Variants in ABCC4 observed in about 807,000 individuals in gnomAD.
ABCC4 encodes the protein ATP-binding cassette sub-family C member 4.
A neutral mutation model predicts 168.5 loss-of-function variants in ABCC4; 102 were observed. The observed-to-expected ratio is 0.61, with a 90% CI of 0.52 to 0.71. The LOEUF is 0.71. Ranked by LOEUF, ABCC4 falls within the 30% of genes least tolerant of loss-of-function variation. The pLI is 0.00. For missense variants in ABCC4, 1,402 were observed against 1,605.8 expected (o/e 0.87, Z 2.17); for synonymous variants, 617 against 590.7 (o/e 1.04, Z -0.65).
At chr13:95,109,044 G>A (rs1291974530) in intron 20 of ABCC4, among the ~76,000 whole-genome samples, 2 of 152,044 alleles carry the variant, frequency 1.3e-5, no homozygotes, top group African/African-American at 4.8e-5. Flanking sequence ...TCTGTTTATT[G>A]TCGACCTCCT....
At position 95,163,202 on chromosome 13, in the gene ABCC4, C is replaced by T; in HGVS notation, c.2228G>A (p.Ser743Asn). Residue 743 changes from serine to asparagine, a missense_variant, in exon 18 of 31, where the codon AGT becomes AAT. Transcript: ENST00000645237. ...WWLSYWANKQ[S>N]MLNVTVNGGG... Reference sequence around the variant, plus strand: ...TCCATTTACAGTGACATTTAGCATACTTTGTTTGTTTGCCCTATGGAACAT... The same window carrying T: ...TCCATTTACAGTGACATTTAGCATATTTTGTTTGTTTGCCCTATGGAACAT... The T allele has an allele frequency of 1.2e-6, 2 of 1,611,994 alleles. No individual in the cohort carries two copies. Among genetic ancestry groups the T allele is most frequent in the Non-Finnish European group, 8.5e-7 (1 of 1,178,736 alleles).
Position 95,166,238 on chromosome 13 carries a change from G to C in ABCC4, c.1954C>G (p.Arg652Gly). 2 of 1,614,166 alleles carry C rather than the reference G, an allele frequency of 1.2e-6. No individual in the cohort carries two copies. Among genetic ancestry groups the C allele is most frequent in the Non-Finnish European group, 1.7e-6 (2 of 1,180,010 alleles). The change falls in exon 15 of 31, where the codon CGT becomes GGT. Residue 652 changes from arginine (R) to glycine (G), a missense_variant. Around this residue, in one of 3 missense-constraint regions of ABCC4, gnomAD observed 1,007 missense variants for 1,127.3 expected, o/e 0.89. Coordinates refer to ENST00000645237, the MANE Select transcript of ABCC4 (RefSeq NM_005845.5). ...PVPGTPTLRNRTFSESSVWSQ... is the reference protein window; with the variant it reads ...PVPGTPTLRNGTFSESSVWSQ... ...CAAACCGAAGACTCTGAGAAGGTAC[G>C]ATTCCTTAGTGTGGGAGTTCCTGGA... is the stretch of plus-strand genomic sequence containing the variant.
At chr13:95,104,956 T>C (rs978819331) in intron 20 of ABCC4, among the ~76,000 whole-genome samples, 2 of 152,162 alleles carry the variant, frequency 1.3e-5, no homozygotes, top group Non-Finnish European at 2.9e-5. Flanking sequence ...ATGGAGGTAG[T>C]TTCAGGATGA....
chr13:95,247,111 A>C lies in ABCC4; in HGVS notation c.186-16T>G, dbSNP rs765253362. 6.2e-7 allele frequency: 1 copy of C among 1,605,796 alleles called. No individual in the cohort carries two copies. Among genetic ancestry groups the C allele is most frequent in the Non-Finnish European group, 8.5e-7 (1 of 1,177,960 alleles). Reference sequence around the variant, plus strand: ...ATCCCAGAACCTACAATGAGGAAAAAGCTTCGTAAATAAGAGTGAACCCTG... The same window carrying C: ...ATCCCAGAACCTACAATGAGGAAAACGCTTCGTAAATAAGAGTGAACCCTG... On this transcript the variant is annotated splice_polypyrimidine_tract_variant and intron_variant, in intron 2 of 30. Transcript: ENST00000645237.
chr13:95,232,031 T>C (rs1425371626), intron 4 of ABCC4, among the ~76,000 whole-genome samples: 3 of 152,138 alleles, frequency 2.0e-5, no homozygotes. Context: ...AAAATCTAGC[T>C]AGTTTATAGA....
intron 27 of ABCC4, among the ~76,000 whole-genome samples, chr13:95,046,342 T>C (rs1304465821): frequency 6.6e-6 from 1 of 152,194 alleles, no homozygotes; most frequent in Non-Finnish European, 1.5e-5. Flanking sequence ...TTGACCCTCC[T>C]TGAGGTTATC....
At chr13:95,238,213 A>AG (rs1330429406) in intron 3 of ABCC4, among the ~76,000 whole-genome samples, 80 of 149,964 alleles carry the variant, frequency 5.3e-4, no homozygotes, top group Non-Finnish European at 8.2e-4. Context: ...AAAAAAAAAA[A>AG]AAAGAAATGG....
chr13:95,079,472 A>C (rs886372378), intron 21 of ABCC4, among the ~76,000 whole-genome samples: 3 of 152,162 alleles, frequency 2.0e-5, no homozygotes, highest in African/African-American at 7.2e-5. Context: ...AAGGTTTCCA[A>C]GCAGTCTCAG....
rs117519472 is a variant in ABCC4, at chr13:95,066,161, C to G, written c.3211-3302G>C. Among the ~76,000 whole-genome samples, 222 of 152,332 alleles carry G rather than the reference C, an allele frequency of 1.5e-3. 7 individuals are homozygous for G. In the East Asian group the frequency reaches 0.041, roughly 28 times the overall value. On this transcript the variant is annotated intron_variant, in intron 25 of 30. Transcript: ENST00000645237. ...ATGCCTAATTCTTCATATCAAATCA[C>G]GGCATCGAGCCTTGGCATATGCCAT...
At chr13:95,230,384 C>T (rs775040721) in intron 4 of ABCC4, among the ~76,000 whole-genome samples, 1 of 152,202 alleles carries the variant, frequency 6.6e-6, no homozygotes, top group Non-Finnish European at 1.5e-5. Flanking sequence ...GGTGTGGCCA[C>T]TGTGAAAAAC....
At chr13:95,210,373 C>T (rs76084021) in intron 5 of ABCC4, among the ~76,000 whole-genome samples, 5,995 of 152,268 alleles carry the variant, frequency 0.039, 186 homozygotes, top group Admixed American at 0.074. Flanking sequence ...GCATGATAAT[C>T]GGGTGTTCAC....
intron 1 of ABCC4, among the ~76,000 whole-genome samples, chr13:95,254,023 G>C (rs937576884): frequency 6.6e-6 from 1 of 152,032 alleles, no homozygotes; most frequent in Non-Finnish European, 1.5e-5. Flanking sequence ...CTCCCAAGTA[G>C]CTGGGATAAC....
chr13:95,160,769 T>A, intron 19 of ABCC4, among the ~76,000 whole-genome samples: 1 of 152,162 alleles, frequency 6.6e-6, no homozygotes, highest in East Asian at 1.9e-4. Context: ...CTGTCTCACG[T>A]CAGAGCATTC....
At chr13:95,183,075 C>CTTTTTTTTTTTT (rs4148491) in intron 11 of ABCC4, among the ~76,000 whole-genome samples, 1 of 124,452 alleles carries the variant, frequency 8.0e-6, no homozygotes, top group Non-Finnish European at 1.7e-5. Context: ...TCCTCTAGGA[C>CTTTTTTTTTTTT]TTTTTTTTTT....
intron 19 of ABCC4, 132 bp from the exon 20 acceptor site, chr13:95,116,133 A>G (rs1678394): frequency 5.7e-4 from 303 of 535,514 alleles, no homozygotes; most frequent in African/African-American, 4.8e-3. Context: ...AAATAAGCCG[A>G]TGTCAGTGGT....
chr13:95,170,009 A>G (rs566953577), intron 14 of ABCC4, among the ~76,000 whole-genome samples: 1 of 152,228 alleles, frequency 6.6e-6, no homozygotes, highest in African/African-American at 2.4e-5. Flanking sequence ...AGTGTGCACC[A>G]TCATGCTGGG....
intron 9 of ABCC4, 41 bp from the exon 10 acceptor site, chr13:95,188,583 G>A (rs9282566): frequency 0.015 from 22,004 of 1,505,848 alleles, 196 homozygotes; most frequent in Non-Finnish European, 0.018. Flanking sequence ...TTTCAATAAA[G>A]TCACACAAAT....
At chr13:95,222,922 C>T (rs543473617) in intron 4 of ABCC4, among the ~76,000 whole-genome samples, 7 of 152,156 alleles carry the variant, frequency 4.6e-5, no homozygotes, top group African/African-American at 7.2e-5. Context: ...TTACAATGCA[C>T]GGAGCAGCCT....
chr13:95,202,138 C>T (rs1050720933), intron 8 of ABCC4, among the ~76,000 whole-genome samples: 1 of 152,164 alleles, frequency 6.6e-6, no homozygotes, highest in Non-Finnish European at 1.5e-5. Flanking sequence ...GTCAGCGGGG[C>T]TCATCCAATC....
Sources: allele counts gnomAD v4.1 joint callset (sites outside exome capture counted in the v4.1 genomes callset), GRCh38; gene constraint gnomAD v4.1.1; regional missense constraint gnomAD v4.1.1; transcripts MANE v1.5; gene names NCBI Gene and HGNC (gene_info 2026-07-23, HGNC 2026-07-21).